Variants in PLIN2 observed in about 807,000 individuals in gnomAD.
PLIN2 encodes the protein perilipin-2.
A neutral mutation model predicts 30.6 loss-of-function variants in PLIN2; 33 were observed. The ratio of observed to expected loss-of-function variants is 1.08; its 90% CI spans 0.82 to 1.44. PLIN2 has a LOEUF of 1.44. PLIN2 is among the 40% of genes most tolerant of loss of function. The probability of loss-of-function intolerance (pLI) is 0.00; values close to 1 mark genes in which losing one functional copy is unlikely to be tolerated. For synonymous variants in PLIN2, 205 were observed against 201.1 expected, an observed-to-expected ratio of 1.02 and a Z score of -0.16; for missense variants, 610 against 531.8, an observed-to-expected ratio of 1.15 and a Z score of -1.45.
rs750774121 is a variant in PLIN2 at position 19,126,451 on chromosome 9, G to A, written c.-22-3C>T. The A allele has an allele frequency of 2.5e-6, 4 of 1,572,764 alleles. No homozygotes were observed. The highest frequency in any genetic ancestry group is 3.5e-6 in the Non-Finnish European group (4 of 1,143,634). On this transcript the variant is annotated splice_polypyrimidine_tract_variant and splice_region_variant and intron_variant, in intron 1 of 7. Transcript: ENST00000276914. ...TTTTTCTTCCTGGAGAAAGAAATCT[G>A]CAGAAAAGAGACTTATTTCAGAACA...
rs374927137 is a variant in PLIN2, at chr9:19,118,304, C to T, written c.912+17G>A. ...ACTTCTTCAGCAACCAACAAATGAC[C>T]GTCCCAGTCATCTTACCTCAGCACA... On this transcript the variant is annotated intron_variant, in intron 7 of 7. Transcript: ENST00000276914. 9 of 1,577,898 alleles carry T rather than the reference C, an allele frequency of 5.7e-6. No homozygotes were observed. The highest frequency in any genetic ancestry group is 2.7e-5 in the African/African-American group (2 of 73,166).
Position 19,121,052 on chromosome 9 carries a change from G to C in PLIN2, c.423C>G (p.Thr141=). 1 of 1,614,114 alleles carries C rather than the reference G, an allele frequency of 6.2e-7. No homozygotes were observed. Among genetic ancestry groups the C allele is most frequent in the African/African-American group, 1.3e-5 (1 of 75,018 alleles). ...CCACACTGCCAGTCACTGCCCCTTT[G>C]GTCTTGTCCATCACCCCTGTGATCG... ...ASTITGVMDK[T]KGAVTGSVEK... is the part of the protein sequence containing the mutation. The change falls in exon 5 of 8, where the codon ACC becomes ACG. Residue 141 remains threonine (T), a synonymous_variant. Transcript: ENST00000276914.
chr9:19,120,662 T>C (rs934084010), intron 5 of PLIN2, among the ~76,000 whole-genome samples: 2 of 151,940 alleles, frequency 1.3e-5, no homozygotes, highest in Non-Finnish European at 2.9e-5. Context: ...CTGGGCAACA[T>C]AGTGAGATCC....
intron 6 of PLIN2, 112 bp from the exon 7 acceptor site, chr9:19,118,567 T>C (rs563005360): frequency 4.5e-6 from 4 of 884,216 alleles, no homozygotes; most frequent in South Asian, 3.5e-5. Flanking sequence ...TTTCCTGGAG[T>C]TGAATAAGAT....
intron 2 of PLIN2, among the ~76,000 whole-genome samples, chr9:19,109,493 G>A (rs1490214921): frequency 6.8e-6 from 1 of 146,342 alleles, no homozygotes. Context: ...GCAGTGAGCC[G>A]AGGTTCACCA....
In PLIN2 at chr9:19,116,303, G is replaced by A. The variant is rs755899360; in HGVS notation, c.1259C>T (p.Ala420Val). The change falls in exon 8 of 8, where the codon GCA becomes GTA. Residue 420 changes from alanine to valine, a missense_variant. Coordinates refer to ENST00000276914, the MANE Select transcript of PLIN2 (RefSeq NM_001122.4). Reference sequence around the variant, plus strand: ...CTCCTGGCTGCTCTTGTCCATCTCTGCACCTTGGTCCTGAGCATTCTGAGA... The same window carrying A: ...CTCCTGGCTGCTCTTGTCCATCTCTACACCTTGGTCCTGAGCATTCTGAGA... The part of the protein sequence containing the change: ...TESQNAQDQG[A>V]EMDKSSQETQ... 6.2e-7 allele frequency: 1 copy of A among 1,613,302 alleles called. No individual in the cohort carries two copies. Among genetic ancestry groups the A allele is most frequent in the East Asian group, 2.2e-5 (1 of 44,880 alleles).
intron 7 of PLIN2, among the ~76,000 whole-genome samples, chr9:19,117,547 A>G (rs746155749): frequency 4.0e-5 from 6 of 151,038 alleles, no homozygotes; most frequent in Non-Finnish European, 8.8e-5. Flanking sequence ...CTTACCATTC[A>G]TCTCTTCCAG....
Position 19,116,170 on chromosome 9 carries a change from T to G in PLIN2, c.*78A>C, listed in dbSNP as rs1818218037. 7.2e-7 allele frequency: 1 copy of G among 1,393,066 alleles called. No homozygotes were observed. Among genetic ancestry groups the G allele is most frequent in the African/African-American group, 1.4e-5 (1 of 69,370 alleles). 86.3% of individuals were successfully genotyped at this position (1,393,066 alleles called of 1,614,324 possible). ...TAGCTACTTGCTTCCCAATTTAGGG[T>G]TGCCTAGCAAGTTAATTTCAACATA... is the stretch of plus-strand genomic sequence containing the variant. On this transcript the variant is annotated 3_prime_UTR_variant, in exon 8 of 8. Coordinates refer to ENST00000276914, the MANE Select transcript of PLIN2 (RefSeq NM_001122.4).
intron 3 of PLIN2, among the ~76,000 whole-genome samples, chr9:19,124,620 A>G (rs903420282): frequency 6.6e-6 from 1 of 152,188 alleles, no homozygotes; most frequent in African/African-American, 2.4e-5. Flanking sequence ...TGGAGCCTCC[A>G]TACAGTGTTG....
At chr9:19,109,950 T>C (rs558472619) in intron 2 of PLIN2, among the ~76,000 whole-genome samples, 1 of 149,032 alleles carries the variant, frequency 6.7e-6, no homozygotes, top group Admixed American at 6.7e-5. Flanking sequence ...AGCAAGACAC[T>C]GTTTACAGGA....
At chr9:19,119,166 A>G (rs1818274845) in intron 6 of PLIN2, among the ~76,000 whole-genome samples, 1 of 152,248 alleles carries the variant, frequency 6.6e-6, no homozygotes, top group African/African-American at 2.4e-5. Flanking sequence ...GGAAACCTTT[A>G]ATGGCTACAC....
downstream of PLIN2, among the ~76,000 whole-genome samples, chr9:19,115,567 A>G (rs190401924): frequency 7.2e-4 from 109 of 152,248 alleles, 1 homozygote; most frequent in Middle Eastern, 6.8e-3. Flanking sequence ...TCAGCCTCCC[A>G]AAGTGCTGGG....
At chr9:19,122,039 G>A (rs1818326456) in intron 4 of PLIN2, among the ~76,000 whole-genome samples, 1 of 144,392 alleles carries the variant, frequency 6.9e-6, no homozygotes. Context: ...AACCCAGGAG[G>A]AAGAGACAGC....
Position 19,119,700 on chromosome 9 carries a change from T to A in PLIN2, c.727A>T (p.Lys243Ter), listed in dbSNP as rs1303877616. The A allele has an allele frequency of 6.2e-7, 1 of 1,609,812 alleles. No individual in the cohort carries two copies. Among genetic ancestry groups the A allele is most frequent in the East Asian group, 2.2e-5 (1 of 44,832 alleles). Residue 243 changes from lysine (K) to a stop codon, truncating the protein, a stop_gained, in exon 6 of 8, where the codon AAG becomes TAG. Transcript: ENST00000276914. LOFTEE classifies it high-confidence loss of function. ...GAAATGGTCTGTTGGCTTTTTTGCT[T>A]AGCTTCTTTAACCCTGCTGAGAGCC... is the stretch of plus-strand genomic sequence containing the variant. The part of the protein sequence containing the change: ...QQALSRVKEA[K>*]QKSQQTISQL...
intron 2 of PLIN2, among the ~76,000 whole-genome samples, chr9:19,110,098 T>A (rs2131171489): frequency 6.6e-6 from 1 of 151,830 alleles, no homozygotes; most frequent in South Asian, 2.1e-4. Context: ...ATCTCAGCTG[T>A]CTGCAACCTC....
In PLIN2 at chr9:19,116,573, G is replaced by A. The variant is rs1818230126; in HGVS notation, c.989C>T (p.Ser330Phe). ...GTTCTGTGGTACACCTTGGATGTTG[G>A]ACAGGAGGGTGTGGCACGTGGTCTG... ...QLQTTCHTLLSNIQGVPQNIQ... is the reference protein window; with the variant it reads ...QLQTTCHTLLFNIQGVPQNIQ... Residue 330 changes from serine (S) to phenylalanine (F), a missense_variant, in exon 8 of 8, where the codon TCC becomes TTC. Physicochemically the swap from Ser to Phe is radical, Grantham distance 155 (BLOSUM62 -2). Coordinates refer to ENST00000276914, the MANE Select transcript of PLIN2 (RefSeq NM_001122.4). 6.2e-6 allele frequency: 10 copies of A among 1,614,130 alleles called. No individual in the cohort carries two copies. The highest frequency in any genetic ancestry group is 8.5e-6 in the Non-Finnish European group (10 of 1,180,018).
At chr9:19,117,253 C>G (rs1326522272) in intron 7 of PLIN2, among the ~76,000 whole-genome samples, 1 of 151,944 alleles carries the variant, frequency 6.6e-6, no homozygotes, top group Non-Finnish European at 1.5e-5. Flanking sequence ...CCCGACCTCT[C>G]GGGCTTAGGT....
Position 19,126,221 on chromosome 9 carries a change from T to C in PLIN2, c.119A>G (p.Tyr40Cys). ...SSAYLSTKDQYPYLKSVCEMA... is the reference protein window; with the variant it reads ...SSAYLSTKDQCPYLKSVCEMA... ...CTCACACACAGACTTCAGGTAGGGA[T>C]ACTGGTCCTTTGTACTGAGATAGGC... Residue 40 changes from tyrosine to cysteine, a missense_variant, in exon 3 of 8, where the codon TAT (tyrosine) becomes TGT (cysteine). Tyr to Cys is a radical substitution (Grantham distance 194). Coordinates refer to ENST00000276914, the MANE Select transcript of PLIN2 (RefSeq NM_001122.4). 1 of 1,614,154 alleles carries C rather than the reference T, an allele frequency of 6.2e-7. No homozygotes were observed. Among genetic ancestry groups the C allele is most frequent in the Non-Finnish European group, 8.5e-7 (1 of 1,180,000 alleles).
At position 19,116,647 on chromosome 9, in the gene PLIN2, G is replaced by A. The variant is rs767194720; in HGVS notation, c.915C>T (p.His305=). 2.5e-6 allele frequency: 4 copies of A among 1,609,732 alleles called. No homozygotes were observed. In the South Asian group the frequency reaches 3.3e-5, roughly 13 times the overall value. Residue 305 remains histidine, a splice_region_variant and synonymous_variant, in exon 8 of 8, where the codon CAC becomes CAT. Coordinates refer to ENST00000276914, the MANE Select transcript of PLIN2 (RefSeq NM_001122.4). ...DDTDESHCAE[H]IESRTLAIAR... is the part of the protein sequence containing the mutation. Reference sequence around the variant, plus strand: ...CAATTGCAAGAGTACGTGACTCAATGTGCTAAAAATAAAACTTAAAATTAG... The same window carrying A: ...CAATTGCAAGAGTACGTGACTCAATATGCTAAAAATAAAACTTAAAATTAG...
Sources: gnomAD v4.1 joint callset for allele counts (sites outside exome capture counted in the v4.1 genomes callset) on GRCh38, gnomAD v4.1.1 for gene constraint, MANE v1.5 for transcripts, NCBI Gene and HGNC (gene_info 2026-07-23, HGNC 2026-07-21) for gene names.